RBFOX1: variants seen among roughly 807,000 people sequenced by gnomAD.
The protein encoded by RBFOX1 is RNA binding protein fox-1 homolog 1.
RBFOX1 carries 8 observed loss-of-function variants against 57.7 expected under a neutral mutation model. The observed-to-expected ratio is 0.14, with a 90% CI of 0.08 to 0.25. The LOEUF is 0.25. RBFOX1 is among the 10% of genes least tolerant of loss of function. The pLI is 1.00. For missense variants in RBFOX1, 611 were observed against 548.5 expected, an observed-to-expected ratio of 1.11 and a Z score of -1.14; for synonymous variants, 326 against 222.4, an observed-to-expected ratio of 1.47 and a Z score of -4.15.
intron 3 of RBFOX1, among the ~76,000 whole-genome samples, chr16:6,900,593 A>G (rs904972003): frequency 1.3e-5 from 2 of 152,148 alleles, no homozygotes; most frequent in African/African-American, 2.4e-5. Context: ...TTCCAGTTTT[A>G]GCAATGTGCT....
intron 3 of RBFOX1, among the ~76,000 whole-genome samples, chr16:6,809,623 A>G (rs2087899184): frequency 6.6e-6 from 1 of 152,144 alleles, no homozygotes; most frequent in Admixed American, 6.5e-5. Flanking sequence ...ACCCCATCCG[A>G]AGTCCATAGG....
intron 3 of RBFOX1, among the ~76,000 whole-genome samples, chr16:6,970,877 C>G (rs968493686): frequency 2.0e-5 from 3 of 152,164 alleles, no homozygotes; most frequent in African/African-American, 4.8e-5. Flanking sequence ...TAGTAAGAGA[C>G]AACTGCAGTA....
At chr16:6,316,630 G>A (rs894645064) in intron 1 of RBFOX1, among the ~76,000 whole-genome samples, 7 of 152,252 alleles carry the variant, frequency 4.6e-5, no homozygotes, top group African/African-American at 1.7e-4. Context: ...AAGAACTCAT[G>A]GTGTAAGAGA....
chr16:6,483,169 T>G, intron 2 of RBFOX1: 5 of 1,106,460 alleles, frequency 4.5e-6, no homozygotes, highest in Admixed American at 5.4e-5. Flanking sequence ...GGGCGTCTCA[T>G]TTGGCGAGCG....
chr16:5,625,847 C>T (rs1007275311), intron 3 of RBFOX1, among the ~76,000 whole-genome samples: 12 of 151,808 alleles, frequency 7.9e-5, no homozygotes, highest in Non-Finnish European at 1.5e-4. Flanking sequence ...TGTGAGCCAC[C>T]GTGTCCAGCC....
At chr16:7,519,218 T>C (rs925958512) in intron 5 of RBFOX1, among the ~76,000 whole-genome samples, 8 of 152,192 alleles carry the variant, frequency 5.3e-5, no homozygotes, top group Admixed American at 5.2e-4. Context: ...TCCTCATTCA[T>C]ACCTCAGAGC....
intron 1 of RBFOX1, among the ~76,000 whole-genome samples, chr16:6,098,317 C>T (rs952798870): frequency 2.7e-4 from 41 of 152,278 alleles, no homozygotes; most frequent in African/African-American, 9.4e-4. Flanking sequence ...AGAATAGAAA[C>T]GCCACCGCCT....
chr16:7,588,853 T>C (rs902220882), intron 7 of RBFOX1, among the ~76,000 whole-genome samples: 3 of 152,158 alleles, frequency 2.0e-5, no homozygotes, highest in Non-Finnish European at 4.4e-5. Flanking sequence ...ATGTTGATCA[T>C]ATCAAGGAAA....
At chr16:7,440,376 A>G (rs1044288721) in intron 4 of RBFOX1, among the ~76,000 whole-genome samples, 11 of 152,104 alleles carry the variant, frequency 7.2e-5, no homozygotes, top group African/African-American at 2.7e-4. Flanking sequence ...GGGGGAAAGG[A>G]GGTAGAAAAT....
At chr16:5,877,853 T>C (rs1226370148) in intron 4 of RBFOX1, among the ~76,000 whole-genome samples, 1 of 152,212 alleles carries the variant, frequency 6.6e-6, no homozygotes, top group Non-Finnish European at 1.5e-5. Flanking sequence ...GTCCTGGGTG[T>C]TCCCATGGTG....
chr16:7,160,258 C>T (rs555880117), intron 4 of RBFOX1, among the ~76,000 whole-genome samples: 1 of 151,668 alleles, frequency 6.6e-6, no homozygotes, highest in East Asian at 1.9e-4. Flanking sequence ...GGCCAGATGG[C>T]ATTGTTTTCT....
intron 3 of RBFOX1, among the ~76,000 whole-genome samples, chr16:6,849,727 T>C (rs1033744448): frequency 6.6e-6 from 1 of 152,122 alleles, no homozygotes; most frequent in African/African-American, 2.4e-5. Flanking sequence ...CATGACTGTC[T>C]ACATCGCCTA....
chr16:7,674,137 T>C (rs1386706412), intron 13 of RBFOX1, among the ~76,000 whole-genome samples: 2 of 152,186 alleles, frequency 1.3e-5, no homozygotes, highest in African/African-American at 2.4e-5. Flanking sequence ...ACAACTCTTA[T>C]TTCCCTAGTA....
intron 2 of RBFOX1, among the ~76,000 whole-genome samples, chr16:6,604,574 G>A (rs543482742): frequency 1.1e-4 from 16 of 152,318 alleles, no homozygotes; most frequent in African/African-American, 3.6e-4. Flanking sequence ...TAGGTAAATA[G>A]CAAGGTAAAG....
intron 2 of RBFOX1, among the ~76,000 whole-genome samples, chr16:6,508,872 A>C (rs1255977190): frequency 6.6e-6 from 1 of 150,936 alleles, no homozygotes; most frequent in Non-Finnish European, 1.5e-5. Flanking sequence ...ATCATAACAA[A>C]AAAAAAAAAA....
intron 3 of RBFOX1, among the ~76,000 whole-genome samples, chr16:5,860,361 C>T (rs2057182010): frequency 6.6e-6 from 1 of 152,190 alleles, no homozygotes; most frequent in Non-Finnish European, 1.5e-5. Context: ...AGACGTGAGC[C>T]ACCGCGCCTG....
intron 4 of RBFOX1, among the ~76,000 whole-genome samples, chr16:7,366,749 C>T (rs1348820421): frequency 6.6e-6 from 1 of 151,336 alleles, no homozygotes; most frequent in Non-Finnish European, 1.5e-5. Context: ...CAAAGCCGTT[C>T]AAGAGTAAGC....
intron 1 of RBFOX1, among the ~76,000 whole-genome samples, chr16:6,300,530 A>C (rs1334977143): frequency 6.6e-6 from 1 of 152,220 alleles, no homozygotes. Flanking sequence ...CCTGTGGTAC[A>C]TATAAAGTAT....
At chr16:6,535,355 G>T (rs767983242) in intron 2 of RBFOX1, among the ~76,000 whole-genome samples, 1 of 152,184 alleles carries the variant, frequency 6.6e-6, no homozygotes, top group Non-Finnish European at 1.5e-5. Flanking sequence ...TATGAGGTCA[G>T]TGTGGGATAA....
Sources: allele counts gnomAD v4.1 joint callset (sites outside exome capture counted in the v4.1 genomes callset), GRCh38; gene constraint gnomAD v4.1.1; transcripts MANE v1.5; gene names NCBI Gene and HGNC (gene_info 2026-07-23, HGNC 2026-07-21).